Variants in TMEM132B observed in about 807,000 individuals in gnomAD.
The protein encoded by TMEM132B is transmembrane protein 132B.
In TMEM132B, 18 loss-of-function variants were observed where a neutral mutation model predicts 90.8. The observed-to-expected ratio is 0.20, with a 90% CI of 0.14 to 0.29. The LOEUF (loss-of-function observed/expected upper bound fraction) is 0.29. Ranked by LOEUF, TMEM132B falls within the 10% of genes least tolerant of loss-of-function variation. The pLI is 1.00. For missense variants in TMEM132B, 1,096 were observed against 1,326.8 expected (o/e 0.83, Z 2.70); for synonymous variants, 504 against 523.3 (o/e 0.96, Z 0.50).
intron 3 of TMEM132B, among the ~76,000 whole-genome samples, chr12:125,444,715 A>C (rs751207649): frequency 3.9e-5 from 6 of 152,216 alleles, no homozygotes; most frequent in African/African-American, 1.4e-4. Context: ...TTATGCAATC[A>C]AACACTAATC....
intron 2 of TMEM132B, among the ~76,000 whole-genome samples, chr12:125,372,402 A>G (rs1878323530): frequency 6.6e-6 from 1 of 152,214 alleles, no homozygotes; most frequent in Non-Finnish European, 1.5e-5. Flanking sequence ...ACTTACAGCA[A>G]TGCAGTTACA....
At chr12:125,280,644 C>G (rs529712920) in intron 1 of TMEM132B, among the ~76,000 whole-genome samples, 1 of 152,212 alleles carries the variant, frequency 6.6e-6, no homozygotes, top group Non-Finnish European at 1.5e-5. Flanking sequence ...TGCTGCTCCC[C>G]TACGCCGGGA....
intron 5 of TMEM132B, among the ~76,000 whole-genome samples, chr12:125,630,146 C>A (rs1886326859): frequency 6.6e-6 from 1 of 152,006 alleles, no homozygotes; most frequent in Non-Finnish European, 1.5e-5. Flanking sequence ...GAAATACTAG[C>A]CTTGTAAAAT....
chr12:125,238,695 C>T (rs942906089), intron 1 of TMEM132B, among the ~76,000 whole-genome samples: 36 of 152,152 alleles, frequency 2.4e-4, no homozygotes, highest in Admixed American at 9.8e-4. Context: ...ACAGGTGGGG[C>T]GGTCAGCACC....
At chr12:125,414,379 T>C (rs1223324534) in intron 2 of TMEM132B, among the ~76,000 whole-genome samples, 2 of 152,208 alleles carry the variant, frequency 1.3e-5, no homozygotes, top group East Asian at 3.8e-4. Flanking sequence ...AGGTAATCTT[T>C]GCTTCCCATC....
At chr12:125,350,830 A>G (rs1001405470) in intron 2 of TMEM132B, among the ~76,000 whole-genome samples, 3 of 152,204 alleles carry the variant, frequency 2.0e-5, no homozygotes, top group South Asian at 4.1e-4. Flanking sequence ...TTTCTCATAA[A>G]TGCTGTAGGA....
intron 1 of TMEM132B, among the ~76,000 whole-genome samples, chr12:125,224,990 G>C (rs1453495244): frequency 1.3e-5 from 2 of 152,220 alleles, no homozygotes; most frequent in East Asian, 3.9e-4. Flanking sequence ...TATCCTAGGA[G>C]ATGTAGACCT....
At chr12:125,555,431 A>C (rs1884350493) in intron 4 of TMEM132B, among the ~76,000 whole-genome samples, 3 of 151,810 alleles carry the variant, frequency 2.0e-5, no homozygotes, top group African/African-American at 7.3e-5. Context: ...GGAAAAAAAA[A>C]AGAGTGCATC....
At chr12:125,404,231 A>C (rs916994487) in intron 2 of TMEM132B, among the ~76,000 whole-genome samples, 1 of 152,156 alleles carries the variant, frequency 6.6e-6, no homozygotes, top group African/African-American at 2.4e-5. Context: ...AGAATTTGTC[A>C]GGTGTACAGC....
At chr12:125,618,210 A>C (rs1886036311) in intron 5 of TMEM132B, among the ~76,000 whole-genome samples, 1 of 152,056 alleles carries the variant, frequency 6.6e-6, no homozygotes, top group Admixed American at 6.6e-5. Context: ...GCCTCTCCCA[A>C]ATTGGAACTT....
chr12:125,202,352 A>C (rs2136057957), intron 1 of TMEM132B, among the ~76,000 whole-genome samples: 1 of 152,362 alleles, frequency 6.6e-6, no homozygotes, highest in South Asian at 2.1e-4. Flanking sequence ...CCAGGAATCC[A>C]GGGACAGCCC....
chr12:125,243,032 T>TATATATATATATACAC (rs1215676534), intron 1 of TMEM132B, among the ~76,000 whole-genome samples: 97 of 134,998 alleles, frequency 7.2e-4, no homozygotes, highest in African/African-American at 2.5e-3. Flanking sequence ...TATATATATA[T>TATATATATATATACAC]ACACACACAC....
chr12:125,630,554 G>C (rs1886343718), intron 5 of TMEM132B, among the ~76,000 whole-genome samples: 1 of 151,918 alleles, frequency 6.6e-6, no homozygotes, highest in Admixed American at 6.6e-5. Context: ...CTAGCTAAAA[G>C]TTTGTCAATT....
chr12:125,454,833 T>A lies in TMEM132B; in HGVS notation c.1106+39156T>A, dbSNP rs182120895. On this transcript the variant is annotated intron_variant, in intron 3 of 8. Coordinates refer to ENST00000682704, the MANE Select transcript of TMEM132B (RefSeq NM_001366854.1). ...CAATCATGATAGAAACTGTGAACTA[T>A]CTCTAGGTTAAGAAGTGAAATTTTA... Among the ~76,000 whole-genome samples, 4 of 152,358 alleles carry A rather than the reference T, an allele frequency of 2.6e-5. No homozygotes were observed. In the East Asian group the frequency reaches 7.7e-4, roughly 29 times the overall value.
At chr12:125,381,734 G>A (rs1228474833) in intron 2 of TMEM132B, among the ~76,000 whole-genome samples, 2 of 152,160 alleles carry the variant, frequency 1.3e-5, no homozygotes, top group South Asian at 4.1e-4. Flanking sequence ...GCATATGTGC[G>A]TTAGTGCACA....
intron 4 of TMEM132B, among the ~76,000 whole-genome samples, chr12:125,558,251 A>G (rs1257783469): frequency 6.6e-6 from 1 of 152,172 alleles, no homozygotes; most frequent in Non-Finnish European, 1.5e-5. Context: ...CTGCCCTGCC[A>G]TCTGTAACTC....
chr12:125,436,237 A>G (rs1311974221), intron 3 of TMEM132B, among the ~76,000 whole-genome samples: 3 of 152,146 alleles, frequency 2.0e-5, no homozygotes, highest in Non-Finnish European at 2.9e-5. Flanking sequence ...TAGGATCCTA[A>G]TGGCTGCACC....
At chr12:125,566,793 C>T (rs999888421) in intron 4 of TMEM132B, among the ~76,000 whole-genome samples, 21 of 149,228 alleles carry the variant, frequency 1.4e-4, no homozygotes, top group Non-Finnish European at 8.9e-5. Context: ...CTCTCTTTCT[C>T]GATTCCTCCT....
chr12:125,360,885 C>T (rs773628350), intron 2 of TMEM132B, among the ~76,000 whole-genome samples: 2 of 151,964 alleles, frequency 1.3e-5, no homozygotes, highest in South Asian at 2.1e-4. Context: ...GGGGTGAAAT[C>T]TCAACTCCCC....
Sources: gnomAD v4.1 joint callset for allele counts (sites outside exome capture counted in the v4.1 genomes callset) on GRCh38, gnomAD v4.1.1 for gene constraint, MANE v1.5 for transcripts, NCBI Gene and HGNC (gene_info 2026-07-23, HGNC 2026-07-21) for gene names.